AIG1: variants seen among roughly 807,000 people sequenced by gnomAD.
AIG1 encodes androgen induced 1.
In AIG1, 23 loss-of-function variants were observed where a neutral mutation model predicts 31.4. The observed-to-expected ratio is 0.73, with a 90% CI of 0.53 to 1.04. The LOEUF (loss-of-function observed/expected upper bound fraction) is 1.04, where lower values mean the gene tolerates loss of function less well. AIG1 is among the 50% of genes least tolerant of loss of function. AIG1 has a pLI of 0.00. For missense variants in AIG1, 274 were observed against 295.0 expected (o/e 0.93, Z 0.52); for synonymous variants, 100 against 110.5 (o/e 0.90, Z 0.60).
chr6:143,204,848 T>C (rs1225746211), intron 3 of AIG1, among the ~76,000 whole-genome samples: 3 of 150,810 alleles, frequency 2.0e-5, no homozygotes, highest in Middle Eastern at 3.4e-3. Context: ...GAGATGAAGA[T>C]GAGGGAAAGG....
intron 3 of AIG1, among the ~76,000 whole-genome samples, chr6:143,241,544 G>A (rs1794242354): frequency 6.6e-6 from 1 of 152,208 alleles, no homozygotes; most frequent in African/African-American, 2.4e-5. Flanking sequence ...GCTTCACTTT[G>A]TACTTCATTT....
chr6:143,068,962 A>G (rs1776987889), intron 1 of AIG1, among the ~76,000 whole-genome samples: 1 of 152,088 alleles, frequency 6.6e-6, no homozygotes, highest in Admixed American at 6.5e-5. Context: ...AAAATTCAAT[A>G]TGAACATATG....
rs1480866590 is a variant in AIG1 at position 143,213,454 on chromosome 6, G to A, written c.399+48271G>A. 1.1e-4 allele frequency among the ~76,000 whole-genome samples: 16 copies of A among 148,540 alleles called. 2 individuals carry two copies. The highest frequency in any genetic ancestry group is 4.1e-4 in the African/African-American group (16 of 38,674). ...AGCATCTAACTCAAACATGAAGGTT[G>A]GGAGAGGAGCACAAGTGCACAAGTG... On this transcript the variant is annotated intron_variant, in intron 3 of 5. Coordinates refer to ENST00000357847, the MANE Select transcript of AIG1 (RefSeq NM_016108.4).
chr6:143,284,828 G>A lies in AIG1; in HGVS notation c.515+603G>A, dbSNP rs1439218181. On this transcript the variant is annotated intron_variant, in intron 4 of 5. Transcript: ENST00000357847. The surrounding 1 kb of genome is among the most constrained non-coding windows in gnomAD (Gnocchi z 4.4). ...GAGGTGCCAAATTTATCTGATAAAA[G>A]AATTTTTGCCTGGCGAGTCTACTTC... is the stretch of plus-strand genomic sequence containing the variant. Among the ~76,000 whole-genome samples the A allele has an allele frequency of 6.6e-6, 1 of 152,132 alleles. No homozygotes were observed. The highest frequency in any genetic ancestry group is 1.9e-4 in the East Asian group (1 of 5,192).
chr6:143,060,048 T>C (rs1450507466), upstream of AIG1, among the ~76,000 whole-genome samples: 2 of 152,202 alleles, frequency 1.3e-5, no homozygotes, highest in African/African-American at 4.8e-5. Context: ...CATCCAAAAT[T>C]GGAATTTTTT....
At chr6:143,179,870 A>G (rs773798773) in intron 3 of AIG1, among the ~76,000 whole-genome samples, 24 of 152,378 alleles carry the variant, frequency 1.6e-4, no homozygotes, top group Middle Eastern at 3.4e-3. Flanking sequence ...CTGGCTCAAT[A>G]TCTAAAATCA....
At chr6:143,156,705 T>C (rs1279343419) in intron 2 of AIG1, among the ~76,000 whole-genome samples, 2 of 152,208 alleles carry the variant, frequency 1.3e-5, no homozygotes, top group Non-Finnish European at 1.5e-5. Flanking sequence ...GAAGACAGCA[T>C]TGGGCAGAGA....
At chr6:143,277,657 G>C (rs1051844918) in intron 3 of AIG1, among the ~76,000 whole-genome samples, 3 of 152,194 alleles carry the variant, frequency 2.0e-5, no homozygotes, top group Non-Finnish European at 4.4e-5. Flanking sequence ...TCCTACAGGT[G>C]CCAGTAGCGG....
chr6:143,110,193 C>G (rs1407805804), intron 1 of AIG1, among the ~76,000 whole-genome samples: 1 of 152,148 alleles, frequency 6.6e-6, no homozygotes, highest in African/African-American at 2.4e-5. Context: ...ATTTACCTAT[C>G]CTTGCACTGA....
chr6:143,060,141 G>A (rs1164016222), upstream of AIG1, among the ~76,000 whole-genome samples: 2 of 152,126 alleles, frequency 1.3e-5, no homozygotes, highest in Non-Finnish European at 2.9e-5. Context: ...CTTGTCCAAA[G>A]TTCATATTCT....
intron 3 of AIG1, among the ~76,000 whole-genome samples, chr6:143,254,872 T>A (rs961404057): frequency 6.6e-6 from 1 of 152,054 alleles, no homozygotes; most frequent in Non-Finnish European, 1.5e-5. Flanking sequence ...GTAGTAATAA[T>A]TAGCCAGGCA....
Position 143,329,651 on chromosome 6 carries a change from G to A in AIG1, c.516-3631G>A, listed in dbSNP as rs1776909190. Among the ~76,000 whole-genome samples the A allele has an allele frequency of 6.6e-6, 1 of 151,886 alleles. No homozygotes were observed. The highest frequency in any genetic ancestry group is 2.4e-5 in the African/African-American group (1 of 41,400). On this transcript the variant is annotated intron_variant, in intron 4 of 5. Transcript: ENST00000357847. This position sits in a 1 kb window ranked among gnomAD's most constrained non-coding sequence, Gnocchi z 4.9. ...ACAAGTAGTCAGCAGATGACAGCCG[G>A]TGTGCCAAATCCAGCCCACCACCTG...
rs547845017 is a variant in AIG1, at chr6:143,085,380, C to A, written c.141+24314C>A. On this transcript the variant is annotated intron_variant, in intron 1 of 5. Coordinates refer to ENST00000357847, the MANE Select transcript of AIG1 (RefSeq NM_016108.4). ...CCCATGGACCTCTGCTTATTGGATT[C>A]GTTACGCTCACCGATGTAGCAGTCC... Among the ~76,000 whole-genome samples the A allele has an allele frequency of 5.3e-5, 8 of 152,240 alleles. 1 individual carries two copies. In the South Asian group the frequency reaches 1.0e-3, roughly 20 times the overall value.
rs191502526 is a variant in AIG1, at chr6:143,085,793, G to T, written c.141+24727G>T. On this transcript the variant is annotated intron_variant, in intron 1 of 5. Transcript: ENST00000357847. Reference sequence around the variant, plus strand: ...TATCAATTACTGAATACCCATTGTGGTTTTTCTCTCAATCACCCGGGAGGT... The same window carrying T: ...TATCAATTACTGAATACCCATTGTGTTTTTTCTCTCAATCACCCGGGAGGT... Among the ~76,000 whole-genome samples, 615 of 152,222 alleles carry T rather than the reference G, an allele frequency of 4.0e-3. 3 individuals carry two copies. Among genetic ancestry groups the T allele is most frequent in the African/African-American group, 0.014 (597 of 41,524 alleles).
chr6:143,302,687 G>C lies in AIG1; in HGVS notation c.515+18462G>C, dbSNP rs537158581. On this transcript the variant is annotated intron_variant, in intron 4 of 5. Coordinates refer to ENST00000357847, the MANE Select transcript of AIG1 (RefSeq NM_016108.4). The stretch of plus-strand genomic sequence containing the variant: ...GTGAATAGTGCCGCAATAAACATAC[G>C]TGTGCATGTGTCTTTATAGCAGCAT... Among the ~76,000 whole-genome samples the C allele has an allele frequency of 3.9e-5, 6 of 152,210 alleles. No individual in the cohort carries two copies. In the East Asian group the frequency reaches 1.2e-3, roughly 29 times the overall value.
chr6:143,208,863 C>T (rs557068292), intron 3 of AIG1, among the ~76,000 whole-genome samples: 1 of 152,046 alleles, frequency 6.6e-6, no homozygotes, highest in Non-Finnish European at 1.5e-5. Flanking sequence ...TTGCCACAGC[C>T]GACAGAAATG....
chr6:143,229,621 ATGACAG>A (rs1413411094), intron 3 of AIG1, among the ~76,000 whole-genome samples: 2 of 152,146 alleles, frequency 1.3e-5, no homozygotes, highest in African/African-American at 4.8e-5. Flanking sequence ...TTAAACCACC[ATGACAG>A]TGACAACTCA....
At chr6:143,139,866 A>T (rs2128525764) in intron 2 of AIG1, among the ~76,000 whole-genome samples, 1 of 152,362 alleles carries the variant, frequency 6.6e-6, no homozygotes, top group African/African-American at 2.4e-5. Flanking sequence ...GGCCAAAAAA[A>T]GCCTGATAAA....
chr6:143,076,390 T>C (rs1777728114), intron 1 of AIG1, among the ~76,000 whole-genome samples: 1 of 152,214 alleles, frequency 6.6e-6, no homozygotes. Context: ...TTCTCCAGCT[T>C]TCTTTGTATT....
Sources: allele counts gnomAD v4.1 joint callset (sites outside exome capture counted in the v4.1 genomes callset), GRCh38; gene constraint gnomAD v4.1.1; non-coding constraint Gnocchi (gnomAD v3.1); transcripts MANE v1.5; gene names NCBI Gene and HGNC (gene_info 2026-07-23, HGNC 2026-07-21).